NCAM2: variants seen among roughly 807,000 people sequenced by gnomAD.
The protein encoded by NCAM2 is neural cell adhesion molecule 2.
In NCAM2, 30 loss-of-function variants were observed where a neutral mutation model predicts 98.1. The observed-to-expected ratio is 0.31, with a 90% CI of 0.23 to 0.41. NCAM2 has a LOEUF of 0.41. NCAM2 is among the 10% of genes least tolerant of loss of function. The pLI, the probability that NCAM2 is intolerant of heterozygous loss-of-function variation, is 1.00. For synonymous variants in NCAM2, 368 were observed against 342.4 expected, an observed-to-expected ratio of 1.07 and a Z score of -0.83; for missense variants, 867 against 1,005.8, an observed-to-expected ratio of 0.86 and a Z score of 1.87.
intron 9 of NCAM2, among the ~76,000 whole-genome samples, chr21:21,393,225 T>C (rs2076420081): frequency 6.6e-6 from 1 of 152,212 alleles, no homozygotes; most frequent in Non-Finnish European, 1.5e-5. Flanking sequence ...TTGCTTATTT[T>C]TGTCAAGTTT....
At chr21:21,450,408 A>G (rs1342102686) in intron 12 of NCAM2, among the ~76,000 whole-genome samples, 10 of 117,824 alleles carry the variant, frequency 8.5e-5, no homozygotes, top group Non-Finnish European at 1.6e-4. Context: ...CAGTGGCACA[A>G]TCATAGCTCA....
chr21:21,001,905 C>G (rs931645656), intron 1 of NCAM2, among the ~76,000 whole-genome samples: 1 of 152,094 alleles, frequency 6.6e-6, no homozygotes, highest in African/African-American at 2.4e-5. Flanking sequence ...CAGCAATGTA[C>G]CTTCTAAAAA....
At chr21:21,019,006 A>G (rs1266302163) in intron 1 of NCAM2, among the ~76,000 whole-genome samples, 1 of 152,212 alleles carries the variant, frequency 6.6e-6, no homozygotes, top group Non-Finnish European at 1.5e-5. Flanking sequence ...TTCTGGCTGA[A>G]TGGTTGGATG....
At chr21:21,015,513 A>G (rs959164916) in intron 1 of NCAM2, among the ~76,000 whole-genome samples, 1 of 152,200 alleles carries the variant, frequency 6.6e-6, no homozygotes, top group African/African-American at 2.4e-5. Flanking sequence ...TTTTAAATTA[A>G]TGTATGGACA....
intron 12 of NCAM2, among the ~76,000 whole-genome samples, chr21:21,460,422 A>G (rs897739986): frequency 2.9e-4 from 44 of 152,082 alleles, no homozygotes; most frequent in Non-Finnish European, 1.5e-5. Context: ...TAGTTCTGGT[A>G]TTAAATGAAA....
intron 8 of NCAM2, among the ~76,000 whole-genome samples, chr21:21,360,488 A>G (rs2075615746): frequency 6.6e-6 from 1 of 151,972 alleles, no homozygotes; most frequent in Admixed American, 6.6e-5. Context: ...TTTTAGATTG[A>G]CAATAATATA....
intron 1 of NCAM2, among the ~76,000 whole-genome samples, chr21:21,182,721 C>A (rs751757389): frequency 6.6e-6 from 1 of 152,124 alleles, no homozygotes; most frequent in African/African-American, 2.4e-5. Flanking sequence ...CAATTGCTAT[C>A]ATACCCCAGT....
At chr21:21,282,412 T>G (rs1008691275) in intron 2 of NCAM2, among the ~76,000 whole-genome samples, 2 of 151,874 alleles carry the variant, frequency 1.3e-5, no homozygotes, top group Non-Finnish European at 2.9e-5. Flanking sequence ...GTAAACTAAG[T>G]AAGCATTTAT....
intron 1 of NCAM2, among the ~76,000 whole-genome samples, chr21:21,125,659 T>A (rs1177262881): frequency 2.3e-5 from 3 of 133,076 alleles, no homozygotes; most frequent in African/African-American, 5.5e-5. Flanking sequence ...TATGTAGAGA[T>A]ATATATATCT....
At chr21:21,079,931 C>T (rs769210118) in intron 1 of NCAM2, among the ~76,000 whole-genome samples, 2 of 152,148 alleles carry the variant, frequency 1.3e-5, no homozygotes, top group Non-Finnish European at 2.9e-5. Context: ...TTAAAACATC[C>T]TTTGCTTGCT....
At chr21:21,536,155 G>A (rs2826884) in intron 17 of NCAM2, among the ~76,000 whole-genome samples, 92,596 of 151,736 alleles carry the variant, frequency 0.61, 28,652 homozygotes, top group Admixed American at 0.69. Context: ...GCCTGCTCTC[G>A]TTGGTACAAT....
intron 1 of NCAM2, among the ~76,000 whole-genome samples, chr21:21,044,631 G>C (rs912802387): frequency 1.3e-5 from 2 of 152,108 alleles, no homozygotes; most frequent in Admixed American, 6.6e-5. Context: ...AAAGAATTAT[G>C]TTCTGTAAAT....
intron 1 of NCAM2, among the ~76,000 whole-genome samples, chr21:21,228,775 G>A (rs1050356421): frequency 6.6e-6 from 1 of 151,356 alleles, no homozygotes. Flanking sequence ...AGAAGGGATG[G>A]CAGTTGGATA....
intron 9 of NCAM2, among the ~76,000 whole-genome samples, chr21:21,392,284 T>C (rs983314073): frequency 2.0e-5 from 3 of 152,232 alleles, no homozygotes; most frequent in African/African-American, 7.2e-5. Flanking sequence ...CATGACATCA[T>C]TCTTTTTTAT....
intron 1 of NCAM2, among the ~76,000 whole-genome samples, chr21:21,071,216 T>C (rs1030058814): frequency 6.6e-6 from 1 of 152,300 alleles, no homozygotes; most frequent in South Asian, 2.1e-4. Flanking sequence ...TAGGACATGT[T>C]GTTCAATCTT....
intron 8 of NCAM2, among the ~76,000 whole-genome samples, chr21:21,373,272 T>C (rs2075961273): frequency 6.6e-6 from 1 of 151,898 alleles, no homozygotes. Context: ...AGCAAGACTT[T>C]AGTAAAAGCA....
At chr21:21,189,484 G>T (rs112341848) in intron 1 of NCAM2, among the ~76,000 whole-genome samples, 5 of 152,202 alleles carry the variant, frequency 3.3e-5, no homozygotes, top group African/African-American at 1.2e-4. Context: ...CTAGCACTTT[G>T]GGAGGCCAAG....
At chr21:21,121,577 T>C (rs2066675333) in intron 1 of NCAM2, among the ~76,000 whole-genome samples, 2 of 152,198 alleles carry the variant, frequency 1.3e-5, no homozygotes, top group Admixed American at 1.3e-4. Context: ...TCAACTAATA[T>C]GTGGCTAGAC....
chr21:21,102,590 T>C (rs2066266102), intron 1 of NCAM2, among the ~76,000 whole-genome samples: 1 of 152,028 alleles, frequency 6.6e-6, no homozygotes, highest in Non-Finnish European at 1.5e-5. Context: ...TTTTCACTAG[T>C]TAACTATGCG....
Sources: gnomAD v4.1 joint callset for allele counts (sites outside exome capture counted in the v4.1 genomes callset) on GRCh38, gnomAD v4.1.1 for gene constraint, MANE v1.5 for transcripts, NCBI Gene and HGNC (gene_info 2026-07-23, HGNC 2026-07-21) for gene names.